The following FRMD6 variants were observed in gnomAD, a reference collection of about 807,000 sequenced individuals.
The protein encoded by FRMD6 is FERM domain containing 6.
A neutral mutation model predicts 73.2 loss-of-function variants in FRMD6; 37 were observed. The observed-to-expected ratio is 0.51, with a 90% confidence interval of 0.39 to 0.66. The LOEUF is 0.66. Among genes scored for constraint, FRMD6 ranks in the 30% least tolerant of loss-of-function variants. The pLI is 0.00. For missense variants in FRMD6, 714 were observed against 780.5 expected, an observed-to-expected ratio of 0.91 and a Z score of 1.02; for synonymous variants, 273 against 282.2, an observed-to-expected ratio of 0.97 and a Z score of 0.33.
At chr14:51,490,616 T>TTGTGTGTGTGTGTGTGTGTG (rs58046471) in intron 1 of FRMD6, among the ~76,000 whole-genome samples, 15,689 of 147,968 alleles carry the variant, frequency 0.11, 1,029 homozygotes, top group Non-Finnish European at 0.15. Flanking sequence ...TGTGTGTATT[T>TTGTGTGTGTGTGTGTGTGTG]TGTGTGTGTG....
Position 51,715,388 on chromosome 14 carries a change from G to A in FRMD6, c.913G>A (p.Gly305Arg), listed in dbSNP as rs1897181915. 6.2e-7 allele frequency: 1 copy of A among 1,613,524 alleles called. No homozygotes were observed. The highest frequency in any genetic ancestry group is 8.5e-7 in the Non-Finnish European group (1 of 1,179,690). ...TGCCCGGAAGCTCATATACTACACG[G>A]GGTGCCCCATGCGCTCCAGACACCT... ...PSARKLIYYT[G>R]CPMRSRHLLQ... Residue 305 changes from glycine (G) to arginine (R), a missense_variant, in exon 10 of 14, where the codon GGG becomes AGG. Gly to Arg is a moderately radical substitution (Grantham distance 125). Transcript: ENST00000344768.
intron 2 of FRMD6, among the ~76,000 whole-genome samples, chr14:51,617,586 T>C (rs371504115): frequency 3.0e-4 from 46 of 152,318 alleles, no homozygotes; most frequent in African/African-American, 1.1e-3. Context: ...CCTAACTAGT[T>C]TGTACTTCCA....
upstream of FRMD6, among the ~76,000 whole-genome samples, chr14:51,647,335 C>T (rs1358859301): frequency 2.6e-5 from 4 of 152,070 alleles, no homozygotes; most frequent in Non-Finnish European, 2.9e-5. Context: ...TAGGGGCTCC[C>T]GGTGTATGGT....
At chr14:51,601,205 G>A (rs148536677) in intron 2 of FRMD6, among the ~76,000 whole-genome samples, 1 of 152,310 alleles carries the variant, frequency 6.6e-6, no homozygotes, top group East Asian at 1.9e-4. Context: ...AGGGTTGGAT[G>A]AATGGCAAGC....
intron 1 of FRMD6, among the ~76,000 whole-genome samples, chr14:51,547,169 A>G (rs997941865): frequency 1.3e-5 from 2 of 152,206 alleles, no homozygotes; most frequent in East Asian, 1.9e-4. Context: ...TTAGAATTTC[A>G]TTTCAGGAAA....
At chr14:51,721,753 A>AGGAAGGAAGGAAGGAAGGAAGGAAGGAG (rs1566598530) in intron 11 of FRMD6, among the ~76,000 whole-genome samples, 196 bp from the exon 12 acceptor site, 1 of 108,706 alleles carries the variant, frequency 9.2e-6, no homozygotes, top group Non-Finnish European at 2.0e-5. Flanking sequence ...GAAGGGAGGA[A>AGGAAGGAAGGAAGGAAGGAAGGAAGGAG]GGAAGGAGGG....
intron 13 of FRMD6, among the ~76,000 whole-genome samples, chr14:51,726,397 C>G (rs1271956362): frequency 6.6e-6 from 1 of 152,002 alleles, no homozygotes; most frequent in African/African-American, 2.4e-5. Flanking sequence ...GACTAATGGC[C>G]CTAATTCCTG....
chr14:51,698,175 G>C lies in FRMD6; in HGVS notation c.133G>C (p.Val45Leu), dbSNP rs777072709. 1 of 1,612,450 alleles carries C rather than the reference G, an allele frequency of 6.2e-7. No homozygotes were observed. Among genetic ancestry groups the C allele is most frequent in the African/African-American group, 1.3e-5 (1 of 74,828 alleles). The change falls in exon 3 of 14, where the codon GTT becomes CTT. Residue 45 changes from valine to leucine, a missense_variant. Transcript: ENST00000344768. ...KILCHQLLVQ[V>L]CDLLRLKDCH... is the part of the protein sequence containing the mutation. ...TCTGTGTCACCAGTTGCTGGTCCAGGTTTGTGACCTGCTCAGGCTAAAGGA... is the reference window on the plus strand; with the variant it reads ...TCTGTGTCACCAGTTGCTGGTCCAGCTTTGTGACCTGCTCAGGCTAAAGGA...
At chr14:51,593,400 T>C (rs889865244) in intron 2 of FRMD6, among the ~76,000 whole-genome samples, 1 of 152,232 alleles carries the variant, frequency 6.6e-6, no homozygotes, top group Non-Finnish European at 1.5e-5. Context: ...AATTTCAAAA[T>C]ATATCTAGAA....
intron 10 of FRMD6, among the ~76,000 whole-genome samples, chr14:51,719,736 C>T (rs1416291382): frequency 6.6e-6 from 1 of 152,198 alleles, no homozygotes; most frequent in East Asian, 1.9e-4. Context: ...GTTCATATCA[C>T]TCACTGAATT....
rs186674240 is a variant in FRMD6 at position 51,519,404 on chromosome 14, C to T, written c.-210+29984C>T. Among the ~76,000 whole-genome samples, 72 of 152,254 alleles carry T rather than the reference C, an allele frequency of 4.7e-4. 1 individual carries two copies. The East Asian group carries it at 0.012, about 26-fold the overall frequency. On this transcript the variant is annotated intron_variant, in intron 1 of 14. Transcript: ENST00000356218. The stretch of plus-strand genomic sequence containing the variant: ...ACCTCGGGTGACCCACCCACCTCGG[C>T]TTCCCAAAGTGCTGGGATTACAGGT...
At chr14:51,463,955 C>A in the FRMD6 span, among the ~76,000 whole-genome samples, 7 of 152,144 alleles carry the variant, frequency 4.6e-5, no homozygotes, top group East Asian at 1.3e-3. Flanking sequence ...GTAGGTGGGA[C>A]TACAGGCGTG....
chr14:51,635,190 C>T (rs1891503861), intron 2 of FRMD6, among the ~76,000 whole-genome samples: 2 of 152,110 alleles, frequency 1.3e-5, no homozygotes, highest in Admixed American at 1.3e-4. Context: ...TGAGAACAGC[C>T]TGGGAAACAC....
At chr14:51,601,249 C>T (rs1449179850) in intron 2 of FRMD6, among the ~76,000 whole-genome samples, 1 of 152,214 alleles carries the variant, frequency 6.6e-6, no homozygotes, top group East Asian at 1.9e-4. Context: ...TGCTGGCTGG[C>T]AGCCCCTGGG....
chr14:51,473,714 C>A, the FRMD6 span, among the ~76,000 whole-genome samples: 1 of 152,134 alleles, frequency 6.6e-6, no homozygotes, highest in Non-Finnish European at 1.5e-5. Flanking sequence ...CTCCGCCTAC[C>A]CCTTTCTCTT....
In FRMD6 at chr14:51,697,086, A is replaced by G. The variant is rs115936988; in HGVS notation, c.100-1056A>G. On this transcript the variant is annotated intron_variant, in intron 2 of 13. Coordinates refer to ENST00000344768, the MANE Select transcript of FRMD6 (RefSeq NM_001267046.2). ...GCTGGGAATGTAAATTAGTACAGAC[A>G]TTATGGAAAGCAGTATGGGGGTTCC... 1.5e-3 allele frequency among the ~76,000 whole-genome samples: 226 copies of G among 152,316 alleles called. 1 individual carries two copies. The highest frequency in any genetic ancestry group is 5.2e-3 in the African/African-American group (216 of 41,580).
intron 2 of FRMD6, among the ~76,000 whole-genome samples, chr14:51,582,504 T>C (rs1390017183): frequency 3.3e-5 from 5 of 152,226 alleles, no homozygotes; most frequent in African/African-American, 1.2e-4. Flanking sequence ...TTCCAAAGGC[T>C]ATGCAGAATC....
chr14:51,459,884 C>CTTTTTTTTTTTTTTTTTTT, the FRMD6 span, among the ~76,000 whole-genome samples: 618 of 74,540 alleles, frequency 8.3e-3, 98 homozygotes, highest in Middle Eastern at 0.013. Flanking sequence ...TACTGACTCT[C>CTTTTTTTTTTTTTTTTTTT]TTTTTTTTTT....
the FRMD6 span, among the ~76,000 whole-genome samples, chr14:51,412,741 A>T: frequency 1.3e-5 from 2 of 151,794 alleles, no homozygotes; most frequent in Non-Finnish European, 2.9e-5. Flanking sequence ...AGTCCCAGCT[A>T]CTCAGGAGGC....
Sources: allele counts gnomAD v4.1 joint callset (sites outside exome capture counted in the v4.1 genomes callset), GRCh38; gene constraint gnomAD v4.1.1; transcripts MANE v1.5; gene names NCBI Gene and HGNC (gene_info 2026-07-23, HGNC 2026-07-21).